The following CTNNA2 variants were observed in gnomAD, a reference collection of about 807,000 sequenced individuals.
The protein encoded by CTNNA2 is catenin alpha-2.
In CTNNA2, 42 loss-of-function variants were observed where a neutral mutation model predicts 101.0. The ratio of observed to expected loss-of-function variants is 0.42; its 90% confidence interval spans 0.32 to 0.54. The LOEUF (loss-of-function observed/expected upper bound fraction) is 0.54. CTNNA2 is among the 20% of genes least tolerant of loss of function. CTNNA2 has a pLI of 0.14. For synonymous variants in CTNNA2, 450 were observed against 456.4 expected (o/e 0.99, Z 0.18); for missense variants, 871 against 1,223.1 (o/e 0.71, Z 4.29).
At chr2:79,464,225 A>G (rs1670908672) in intron 4 of CTNNA2, among the ~76,000 whole-genome samples, 1 of 152,148 alleles carries the variant, frequency 6.6e-6, no homozygotes, top group South Asian at 2.1e-4. Context: ...GAGTGAGAAC[A>G]TGCGGTGTTT....
At chr2:80,298,075 T>G (rs1675917606) in intron 7 of CTNNA2, 1 of 151,498 alleles carries the variant, frequency 6.6e-6, no homozygotes, top group Non-Finnish European at 1.5e-5. Context: ...GTGTGCATAT[T>G]TGTGTGTGTG....
At chr2:79,581,245 G>T (rs1676128459) in intron 1 of CTNNA2, among the ~76,000 whole-genome samples, 1 of 152,174 alleles carries the variant, frequency 6.6e-6, no homozygotes, top group Admixed American at 6.5e-5. Context: ...TTTAGTTTTG[G>T]CTGGGCGCAG....
intron 7 of CTNNA2, among the ~76,000 whole-genome samples, chr2:80,354,148 C>T (rs867771875): frequency 7.9e-5 from 12 of 152,110 alleles, no homozygotes; most frequent in African/African-American, 1.9e-4. Flanking sequence ...TGCACTTCTT[C>T]GGTTGTGGCA....
At chr2:80,380,089 T>C (rs367682209) in intron 7 of CTNNA2, among the ~76,000 whole-genome samples, 2 of 138,746 alleles carry the variant, frequency 1.4e-5, no homozygotes, top group Admixed American at 8.1e-5. Flanking sequence ...CAGGCTGGAG[T>C]GCAGTGGCAC....
chr2:80,010,459 C>T (rs1693697220), intron 7 of CTNNA2, among the ~76,000 whole-genome samples: 1 of 152,046 alleles, frequency 6.6e-6, no homozygotes, highest in South Asian at 2.1e-4. Context: ...GCACGTGCCA[C>T]CATGCCTGGA....
At chr2:79,407,501 A>G (rs770264377) in intron 4 of CTNNA2, among the ~76,000 whole-genome samples, 53 of 151,884 alleles carry the variant, frequency 3.5e-4, no homozygotes, top group Admixed American at 5.3e-4. Flanking sequence ...TACATGCATT[A>G]TCCCCACACA....
At chr2:79,568,744 A>C (rs1335911124) in intron 1 of CTNNA2, among the ~76,000 whole-genome samples, 1 of 143,636 alleles carries the variant, frequency 7.0e-6, no homozygotes, top group Non-Finnish European at 1.5e-5. Context: ...ACATAGGGCC[A>C]GGCACGGTGG....
chr2:79,571,064 T>G (rs2566543), intron 1 of CTNNA2, among the ~76,000 whole-genome samples: 127,952 of 152,112 alleles, frequency 0.84, 54,168 homozygotes, highest in African/African-American at 0.93. Flanking sequence ...CTATCTCTTT[T>G]ATGAATAGCC....
At chr2:80,196,789 C>G (rs149198213) in intron 7 of CTNNA2, among the ~76,000 whole-genome samples, 55 of 152,232 alleles carry the variant, frequency 3.6e-4, no homozygotes, top group African/African-American at 1.2e-3. Context: ...CACCCCAATA[C>G]GAAAGATCAC....
intron 3 of CTNNA2, among the ~76,000 whole-genome samples, chr2:79,368,856 G>T (rs1677807519): frequency 6.6e-6 from 1 of 152,106 alleles, no homozygotes; most frequent in Non-Finnish European, 1.5e-5. Flanking sequence ...TTATCACTTT[G>T]TTTAGATAAA....
intron 7 of CTNNA2, among the ~76,000 whole-genome samples, chr2:80,047,480 G>C (rs529462781): frequency 2.6e-5 from 4 of 152,164 alleles, no homozygotes; most frequent in East Asian, 1.9e-4. Context: ...GATTCCTTAG[G>C]GGGTTAGGGA....
intron 2 of CTNNA2, among the ~76,000 whole-genome samples, chr2:79,742,088 GTTCCATGTT>G (rs558535770): frequency 3.8e-4 from 58 of 152,170 alleles, no homozygotes; most frequent in African/African-American, 1.3e-3. Flanking sequence ...TCCTGGTAAT[GTTCCATGTT>G]TTTCTTCCCC....
chr2:79,737,122 C>T (rs1389706244), intron 2 of CTNNA2, among the ~76,000 whole-genome samples: 9 of 152,058 alleles, frequency 5.9e-5, no homozygotes, highest in East Asian at 1.9e-4. Context: ...CAGAGGCAGG[C>T]GGATCACCTG....
chr2:79,527,242 G>T (rs1672461985), intron 1 of CTNNA2, among the ~76,000 whole-genome samples: 1 of 151,818 alleles, frequency 6.6e-6, no homozygotes, highest in African/African-American at 2.4e-5. Flanking sequence ...TATACAAATG[G>T]CAAATAAGCA....
At chr2:80,379,018 T>C (rs1336589292) in intron 7 of CTNNA2, among the ~76,000 whole-genome samples, 1 of 151,878 alleles carries the variant, frequency 6.6e-6, no homozygotes, top group Admixed American at 6.6e-5. Context: ...TATTATGGGG[T>C]GCTCAGAGAA....
chr2:80,613,550 C>G (rs1218927512), intron 17 of CTNNA2, among the ~76,000 whole-genome samples: 1 of 151,110 alleles, frequency 6.6e-6, no homozygotes, highest in South Asian at 2.1e-4. Context: ...GTATACTGCT[C>G]CACTATAGAA....
At chr2:79,868,397 T>G (rs1489133137) in intron 4 of CTNNA2, among the ~76,000 whole-genome samples, 4 of 152,228 alleles carry the variant, frequency 2.6e-5, no homozygotes, top group Non-Finnish European at 5.9e-5. Context: ...TTAGCCTATT[T>G]GGTAAATTGA....
rs570655054 is a variant in CTNNA2, at chr2:79,810,731, T to C, written c.299-47282T>C. Among the ~76,000 whole-genome samples, 5 of 151,214 alleles carry C rather than the reference T, an allele frequency of 3.3e-5. No individual in the cohort carries two copies. The South Asian group carries it at 1.1e-3, about 32-fold the overall frequency. The stretch of plus-strand genomic sequence containing the variant: ...TGTGATGTTCCCTTTCCTGTGTCCA[T>C]GTGTTCTCATTTTTCAATTCCCACC... On this transcript the variant is annotated intron_variant, in intron 3 of 18. Coordinates refer to ENST00000402739, the MANE Select transcript of CTNNA2 (RefSeq NM_001282597.3).
intron 7 of CTNNA2, among the ~76,000 whole-genome samples, chr2:80,387,939 A>T (rs1042860861): frequency 1.3e-5 from 2 of 152,186 alleles, no homozygotes; most frequent in Non-Finnish European, 2.9e-5. Flanking sequence ...TCGTTTTTTA[A>T]TAACGATATT....
Sources: gnomAD v4.1 joint callset for allele counts (sites outside exome capture counted in the v4.1 genomes callset) on GRCh38, gnomAD v4.1.1 for gene constraint, MANE v1.5 for transcripts, NCBI Gene and HGNC (gene_info 2026-07-23, HGNC 2026-07-21) for gene names.